Variants in PRR5L observed in about 807,000 individuals in gnomAD.
PRR5L encodes the protein proline-rich protein 5-like.
In PRR5L, 21 loss-of-function variants were observed where a neutral mutation model predicts 36.4. That is an observed-to-expected ratio of 0.58 (90% CI 0.41 to 0.83). The LOEUF (loss-of-function observed/expected upper bound fraction) is 0.83, where lower values mean the gene tolerates loss of function less well. Among genes scored for constraint, PRR5L ranks in the 40% least tolerant of loss-of-function variants. The pLI is 0.00. For missense variants in PRR5L, 381 were observed against 473.3 expected, an observed-to-expected ratio of 0.80 and a Z score of 1.81; for synonymous variants, 188 against 197.0, an observed-to-expected ratio of 0.95 and a Z score of 0.38.
intron 8 of PRR5L, among the ~76,000 whole-genome samples, chr11:36,461,195 C>T (rs77812383): frequency 1.8e-3 from 270 of 152,314 alleles, no homozygotes; most frequent in Non-Finnish European, 3.4e-3. Flanking sequence ...GCTATTCCCT[C>T]TCTGAGACTC....
At chr11:36,443,468 C>T (rs1858764059) in intron 6 of PRR5L, among the ~76,000 whole-genome samples, 1 of 152,174 alleles carries the variant, frequency 6.6e-6, no homozygotes, top group African/African-American at 2.4e-5. Flanking sequence ...TTCACATTGT[C>T]AGTCTGCCAC....
rs1432002098 is a variant in PRR5L at position 36,388,688 on chromosome 11, CTCTT to C, written c.-125-12299_-125-12296del. Among the ~76,000 whole-genome samples, 35 of 100,374 alleles carry C rather than the reference CTCTT, an allele frequency of 3.5e-4. 3 individuals carry two copies. The highest frequency in any genetic ancestry group is 1.2e-3 in the Admixed American group (10 of 8,502). The allele number at this position is 100,374 out of a possible 152,430, so 65.8% of individuals were successfully genotyped here. On this transcript the variant is annotated intron_variant, in intron 1 of 8. Coordinates refer to ENST00000530639, the MANE Select transcript of PRR5L (RefSeq NM_001160167.2). ...TAGCCTTTCTTTCATTCAAGGTCGG[CTCTT>C]TCTTTCTTTTTTTTTTTTTTTTTTG...
At chr11:36,371,353 T>C (rs554570495) in intron 1 of PRR5L, among the ~76,000 whole-genome samples, 1 of 152,344 alleles carries the variant, frequency 6.6e-6, no homozygotes, top group South Asian at 2.1e-4. Flanking sequence ...TCTCAAATGG[T>C]CCCATTTTTA....
At chr11:36,362,701 T>C (rs145703348) in intron 1 of PRR5L, among the ~76,000 whole-genome samples, 20 of 152,330 alleles carry the variant, frequency 1.3e-4, no homozygotes, top group African/African-American at 4.3e-4. Context: ...CTTCCTTCCA[T>C]AAAAGGTCTT....
intron 3 of PRR5L, among the ~76,000 whole-genome samples, chr11:36,415,657 T>A (rs1294008243): frequency 6.6e-6 from 1 of 152,206 alleles, no homozygotes; most frequent in Non-Finnish European, 1.5e-5. Flanking sequence ...GGCATAAGAA[T>A]TGCTTGAGCC....
intron 1 of PRR5L, among the ~76,000 whole-genome samples, chr11:36,350,912 A>ATATATTTATATATATTTATATATT (rs1565406253): frequency 2.4e-5 from 1 of 41,838 alleles, no homozygotes; most frequent in African/African-American, 1.1e-4. Context: ...GTAAATATAT[A>ATATATTTATATATATTTATATATT]TATATATTTA....
chr11:36,332,397 G>C (rs990717236), intron 1 of PRR5L, among the ~76,000 whole-genome samples: 2 of 152,178 alleles, frequency 1.3e-5, no homozygotes, highest in Non-Finnish European at 2.9e-5. Context: ...GGGACAAAGA[G>C]AGCGGTAGTT....
chr11:36,442,433 C>G (rs1048018467), intron 6 of PRR5L, among the ~76,000 whole-genome samples: 1 of 152,078 alleles, frequency 6.6e-6, no homozygotes, highest in Non-Finnish European at 1.5e-5. Flanking sequence ...CCTCCACCTC[C>G]TGGGTTCAAG....
intron 6 of PRR5L, among the ~76,000 whole-genome samples, chr11:36,440,581 G>A (rs1858700033): frequency 1.3e-5 from 2 of 152,308 alleles, no homozygotes; most frequent in Admixed American, 6.5e-5. Context: ...AGAAATGAGG[G>A]AGGGGGAGCA....
At chr11:36,352,811 C>T (rs1384417553) in intron 1 of PRR5L, among the ~76,000 whole-genome samples, 1 of 152,108 alleles carries the variant, frequency 6.6e-6, no homozygotes, top group Admixed American at 6.6e-5. Context: ...TCAACCTCAG[C>T]ACTATTGACT....
chr11:36,309,767 A>G (rs947774524), intron 1 of PRR5L, among the ~76,000 whole-genome samples: 1 of 151,344 alleles, frequency 6.6e-6, no homozygotes, highest in Non-Finnish European at 1.5e-5. Context: ...AAGATTTTGT[A>G]TGTGTGTTTT....
chr11:36,351,708 TA>T (rs1427473412), intron 1 of PRR5L, among the ~76,000 whole-genome samples: 1 of 96,980 alleles, frequency 1.0e-5, no homozygotes, highest in Non-Finnish European at 1.9e-5. Flanking sequence ...TTTATATATT[TA>T]TTTATATATT....
chr11:36,319,858 C>T (rs1280606781), intron 1 of PRR5L, among the ~76,000 whole-genome samples: 1 of 151,912 alleles, frequency 6.6e-6, no homozygotes, highest in Non-Finnish European at 1.5e-5. Flanking sequence ...TTACAAATTC[C>T]CAGGAGAGAA....
At chr11:36,454,428 A>G (rs1859007139) in intron 8 of PRR5L, among the ~76,000 whole-genome samples, 1 of 151,940 alleles carries the variant, frequency 6.6e-6, no homozygotes, top group South Asian at 2.1e-4. Context: ...GTGGGAGGAG[A>G]GCATTGAGAT....
At chr11:36,430,352 C>T (rs1029801449) in intron 4 of PRR5L, among the ~76,000 whole-genome samples, 3 of 152,174 alleles carry the variant, frequency 2.0e-5, no homozygotes, top group African/African-American at 7.2e-5. Context: ...ACAGAGGTTG[C>T]AGTGAGCCAA....
intron 7 of PRR5L, among the ~76,000 whole-genome samples, chr11:36,446,734 C>T (rs901674483): frequency 6.6e-6 from 1 of 152,080 alleles, no homozygotes; most frequent in Non-Finnish European, 1.5e-5. Context: ...CCAGTGATGC[C>T]AGGGAGCCAC....
chr11:36,462,207 C>A, intron 8 of PRR5L, 135 bp from the exon 9 acceptor site: 1 of 780,648 alleles, frequency 1.3e-6, no homozygotes. Flanking sequence ...TCCTCCCTTG[C>A]ATTGTGGCAG....
chr11:36,416,453 G>A (rs918327153), intron 3 of PRR5L, among the ~76,000 whole-genome samples: 10 of 152,178 alleles, frequency 6.6e-5, no homozygotes, highest in Admixed American at 2.0e-4. Context: ...TACATTTAAA[G>A]TATATAAAGC....
intron 1 of PRR5L, among the ~76,000 whole-genome samples, chr11:36,316,967 T>A (rs535610172): frequency 6.6e-6 from 1 of 152,180 alleles, no homozygotes; most frequent in South Asian, 2.1e-4. Context: ...CAAGATGGAG[T>A]CAATTAGGTC....
Sources: allele counts gnomAD v4.1 joint callset (sites outside exome capture counted in the v4.1 genomes callset), GRCh38; gene constraint gnomAD v4.1.1; transcripts MANE v1.5; gene names NCBI Gene and HGNC (gene_info 2026-07-23, HGNC 2026-07-21).